The following ENOX1 variants were observed in gnomAD, a reference collection of about 807,000 sequenced individuals.
The protein encoded by ENOX1 is candidate growth-related and time keeping constitutive hydroquinone (NADH) oxidase.
ENOX1 carries 42 observed loss-of-function variants against 82.5 expected under a neutral mutation model. That is an observed-to-expected ratio of 0.51 (90% CI 0.40 to 0.66). ENOX1 has a LOEUF of 0.66. Among genes scored for constraint, ENOX1 ranks in the 30% least tolerant of loss-of-function variants. ENOX1 has a pLI of 0.00. For missense variants in ENOX1, 608 were observed against 811.6 expected (o/e 0.75, Z 3.05); for synonymous variants, 271 against 282.2 (o/e 0.96, Z 0.40).
chr13:43,302,088 C>G (rs1286694550), intron 11 of ENOX1, among the ~76,000 whole-genome samples: 1 of 140,368 alleles, frequency 7.1e-6, no homozygotes, highest in Non-Finnish European at 1.5e-5. Flanking sequence ...AATGAATCCA[C>G]TATCCAAATA....
At chr13:43,736,438 A>C (rs1410409239) in intron 1 of ENOX1, among the ~76,000 whole-genome samples, 1 of 152,160 alleles carries the variant, frequency 6.6e-6, no homozygotes, top group African/African-American at 2.4e-5. Flanking sequence ...TGATGCCTTT[A>C]ATTTGGCTCT....
chr13:43,525,660 T>G (rs2077959107), intron 2 of ENOX1, among the ~76,000 whole-genome samples: 1 of 152,144 alleles, frequency 6.6e-6, no homozygotes, highest in Non-Finnish European at 1.5e-5. Flanking sequence ...TTTTTTTTGA[T>G]AGTAGTCATC....
intron 1 of ENOX1, among the ~76,000 whole-genome samples, chr13:43,724,557 T>TCATTTACTCATTTTACTCATTTA (rs2088807824): frequency 6.6e-6 from 1 of 152,254 alleles, no homozygotes; most frequent in African/African-American, 2.4e-5. Flanking sequence ...CTCATTTGCG[T>TCATTTACTCATTTTACTCATTTA]ATCTTCCCTG....
At chr13:43,601,062 C>T (rs145797113) in intron 2 of ENOX1, among the ~76,000 whole-genome samples, 13 of 152,212 alleles carry the variant, frequency 8.5e-5, no homozygotes, top group Admixed American at 3.9e-4. Context: ...CCAAGAAAGA[C>T]GGGTACAAAC....
intron 3 of ENOX1, among the ~76,000 whole-genome samples, chr13:43,450,653 G>T (rs1039972864): frequency 1.3e-5 from 2 of 152,120 alleles, no homozygotes; most frequent in Non-Finnish European, 2.9e-5. Context: ...ACGGTTCCTA[G>T]TTATGCAGTA....
rs549773453 is a variant in ENOX1, at chr13:43,564,335, GA to G, written c.-218-80184del. On this transcript the variant is annotated intron_variant, in intron 2 of 16. Transcript: ENST00000690772. ...GCCAATTACATTCTTCACAGAAATA[GA>G]AAAAAAATCCTAAAATTTATATGTA... is the stretch of plus-strand genomic sequence containing the variant. Among the ~76,000 whole-genome samples, 85 of 151,162 alleles carry G rather than the reference GA, an allele frequency of 5.6e-4. 1 individual carries two copies. Among genetic ancestry groups the G allele is most frequent in the African/African-American group, 1.6e-3 (65 of 41,244 alleles).
At chr13:43,521,214 T>C (rs907893038) in intron 2 of ENOX1, among the ~76,000 whole-genome samples, 6 of 152,120 alleles carry the variant, frequency 3.9e-5, no homozygotes, top group African/African-American at 1.2e-4. Flanking sequence ...AAGAGAATAA[T>C]TAAATTTTAT....
At chr13:43,556,545 T>G (rs1260070922) in intron 2 of ENOX1, among the ~76,000 whole-genome samples, 1 of 152,174 alleles carries the variant, frequency 6.6e-6, no homozygotes, top group Non-Finnish European at 1.5e-5. Flanking sequence ...GGAAATTTAT[T>G]TAGATAGGTC....
intron 5 of ENOX1, among the ~76,000 whole-genome samples, chr13:43,387,655 A>T (rs1035056532): frequency 2.0e-5 from 3 of 152,102 alleles, no homozygotes; most frequent in African/African-American, 7.2e-5. Flanking sequence ...TTTTAATTTT[A>T]TTCTGATTGC....
At chr13:43,232,093 C>CTTTTTTTTTTT (rs33932346) in intron 15 of ENOX1, among the ~76,000 whole-genome samples, 1 of 109,554 alleles carries the variant, frequency 9.1e-6, no homozygotes, top group Non-Finnish European at 1.7e-5. Flanking sequence ...GCCCAGCTAA[C>CTTTTTTTTTTT]TTTTTTTTTT....
At chr13:43,776,161 G>A (rs1951905837) in intron 1 of ENOX1, among the ~76,000 whole-genome samples, 1 of 152,176 alleles carries the variant, frequency 6.6e-6, no homozygotes, top group Non-Finnish European at 1.5e-5. Flanking sequence ...TGAATCATAA[G>A]ACCAATATGT....
At chr13:43,535,747 GA>G (rs201428221) in intron 2 of ENOX1, among the ~76,000 whole-genome samples, 19 of 150,184 alleles carry the variant, frequency 1.3e-4, no homozygotes, top group Admixed American at 5.3e-4. Flanking sequence ...ATCTTTCAAG[GA>G]AAAAAAAATC....
chr13:43,315,882 A>C (rs1482617115), intron 11 of ENOX1, among the ~76,000 whole-genome samples: 1 of 152,220 alleles, frequency 6.6e-6, no homozygotes, highest in Non-Finnish European at 1.5e-5. Flanking sequence ...TGAAATGCCC[A>C]GAACACATAA....
At chr13:43,496,277 A>T (rs1163447291) in intron 2 of ENOX1, among the ~76,000 whole-genome samples, 1 of 152,252 alleles carries the variant, frequency 6.6e-6, no homozygotes, top group African/African-American at 2.4e-5. Context: ...TCATGTAAAG[A>T]TCTAATTCAA....
chr13:43,438,682 G>A lies in ENOX1; in HGVS notation c.-74-25694C>T, dbSNP rs540249346. 3.9e-5 allele frequency among the ~76,000 whole-genome samples: 6 copies of A among 152,284 alleles called. No homozygotes were observed. The East Asian group carries it at 1.2e-3, about 29-fold the overall frequency. The stretch of plus-strand genomic sequence containing the variant: ...CAGTAGCCACAAAGCTATGTTGTAT[G>A]CCTGGCACACAGTGGCTCTCAACCT... On this transcript the variant is annotated intron_variant, in intron 3 of 16. Transcript: ENST00000690772.
intron 7 of ENOX1, among the ~76,000 whole-genome samples, chr13:43,358,696 G>A (rs778221782): frequency 6.6e-5 from 10 of 152,132 alleles, no homozygotes; most frequent in Non-Finnish European, 1.2e-4. Context: ...ACAGTCCTAC[G>A]AGGTCATGCT....
intron 12 of ENOX1, among the ~76,000 whole-genome samples, chr13:43,280,636 G>A (rs1204715784): frequency 6.6e-6 from 1 of 152,126 alleles, no homozygotes; most frequent in East Asian, 1.9e-4. Context: ...GACTAAGGAT[G>A]GAAAACTTTA....
At chr13:43,269,047 G>A (rs1041758198) in intron 13 of ENOX1, among the ~76,000 whole-genome samples, 1 of 152,052 alleles carries the variant, frequency 6.6e-6, no homozygotes, top group African/African-American at 2.4e-5. Context: ...TGATGCACAG[G>A]GAAGATACTT....
chr13:43,473,667 TAAAG>T (rs1172924309), intron 3 of ENOX1, among the ~76,000 whole-genome samples: 2 of 152,094 alleles, frequency 1.3e-5, no homozygotes, highest in Non-Finnish European at 2.9e-5. Context: ...AAGAAAAAAT[TAAAG>T]AAACACTGGC....
Sources: gnomAD v4.1 joint callset for allele counts (sites outside exome capture counted in the v4.1 genomes callset) on GRCh38, gnomAD v4.1.1 for gene constraint, MANE v1.5 for transcripts, NCBI Gene and HGNC (gene_info 2026-07-23, HGNC 2026-07-21) for gene names.